The following MARCHF8 variants were observed in gnomAD, a reference collection of about 807,000 sequenced individuals.
MARCHF8 encodes the protein membrane associated ring-CH-type finger 8, also known as E3 ubiquitin-protein ligase MARCHF8.
MARCHF8 carries 40 observed loss-of-function variants against 51.6 expected under a neutral mutation model. That is an observed-to-expected ratio of 0.77 (90% CI 0.60 to 1.01). The LOEUF (loss-of-function observed/expected upper bound fraction) is 1.01, where lower values mean the gene tolerates loss of function less well. Among genes scored for constraint, MARCHF8 ranks in the 50% least tolerant of loss-of-function variants. MARCHF8 has a pLI of 0.00. For missense variants in MARCHF8, 685 were observed against 708.6 expected (o/e 0.97, Z 0.38); for synonymous variants, 263 against 280.3 (o/e 0.94, Z 0.62).
chr10:45,583,413 G>C (rs957233339), intron 1 of MARCHF8, among the ~76,000 whole-genome samples: 1 of 152,116 alleles, frequency 6.6e-6, no homozygotes, highest in African/African-American at 2.4e-5. Context: ...ATATATATGA[G>C]AATGATCACT....
chr10:45,589,114 G>T (rs2044650240), intron 1 of MARCHF8, among the ~76,000 whole-genome samples: 1 of 151,582 alleles, frequency 6.6e-6, no homozygotes, highest in African/African-American at 2.4e-5. Context: ...GCTTATGAGT[G>T]TTTACTGTTG....
chr10:45,526,092 AATAAT>A (rs1258229089), intron 2 of MARCHF8, among the ~76,000 whole-genome samples: 1 of 152,210 alleles, frequency 6.6e-6, no homozygotes, highest in African/African-American at 2.4e-5. Flanking sequence ...TTAAGATGTT[AATAAT>A]ATGAGAAACT....
chr10:45,571,001 G>T (rs948592895), intron 1 of MARCHF8, among the ~76,000 whole-genome samples: 1 of 152,264 alleles, frequency 6.6e-6, no homozygotes, highest in Non-Finnish European at 1.5e-5. Context: ...TGTTGATTCT[G>T]CCCAAATCAC....
chr10:45,478,771 G>A (rs2042832294), intron 3 of MARCHF8, among the ~76,000 whole-genome samples: 2 of 152,018 alleles, frequency 1.3e-5, no homozygotes, highest in Admixed American at 6.6e-5. Context: ...AAAACCTAGA[G>A]GAAATGGATA....
At chr10:45,513,429 A>C (rs1474206223) in intron 2 of MARCHF8, among the ~76,000 whole-genome samples, 3 of 151,970 alleles carry the variant, frequency 2.0e-5, no homozygotes, top group African/African-American at 7.3e-5. Flanking sequence ...CAAAACAAAG[A>C]TCCCTGCTGT....
intron 2 of MARCHF8, among the ~76,000 whole-genome samples, chr10:45,504,781 T>C (rs1040501974): frequency 3.3e-5 from 5 of 152,232 alleles, no homozygotes; most frequent in African/African-American, 9.6e-5. Context: ...TCAAGATTCA[T>C]GTTCGCGTAT....
At chr10:45,533,956 G>A (rs1458975224) in intron 1 of MARCHF8, among the ~76,000 whole-genome samples, 3 of 152,180 alleles carry the variant, frequency 2.0e-5, no homozygotes, top group African/African-American at 7.2e-5. Flanking sequence ...GGCCAAGGCG[G>A]GCAAATCACG....
intron 2 of MARCHF8, among the ~76,000 whole-genome samples, chr10:45,510,788 G>A (rs2043484352): frequency 6.6e-6 from 1 of 152,104 alleles, no homozygotes; most frequent in African/African-American, 2.4e-5. Flanking sequence ...TTTGTTCTAA[G>A]CCATTCATCT....
rs144563593 is a variant in MARCHF8 at position 45,475,308 on chromosome 10, C to T, written c.154-10981G>A. 4.7e-3 allele frequency among the ~76,000 whole-genome samples: 717 copies of T among 152,356 alleles called. 1 individual carries two copies. Among genetic ancestry groups the T allele is most frequent in the Non-Finnish European group, 6.8e-3 (465 of 68,028 alleles). ...AACCCCACTCTCCCCAGTAGTAGGG[C>T]TGCAGTATAGCCACTGCTGCCTCCA... is the stretch of plus-strand genomic sequence containing the variant. On this transcript the variant is annotated intron_variant, in intron 3 of 7. Transcript: ENST00000453424.
At chr10:45,512,987 G>A (rs1420104250) in intron 2 of MARCHF8, among the ~76,000 whole-genome samples, 8 of 151,400 alleles carry the variant, frequency 5.3e-5, no homozygotes, top group South Asian at 2.1e-4. Context: ...GATTAAGGGC[G>A]GTGCAAGATG....
intron 1 of MARCHF8, among the ~76,000 whole-genome samples, chr10:45,548,211 T>C (rs2044150439): frequency 1.3e-5 from 2 of 152,200 alleles, no homozygotes; most frequent in South Asian, 4.1e-4. Flanking sequence ...AGCCTAATGC[T>C]GAAGTCCTGT....
chr10:45,568,747 A>C (rs1193939746), intron 1 of MARCHF8, among the ~76,000 whole-genome samples: 1 of 146,592 alleles, frequency 6.8e-6, no homozygotes, highest in East Asian at 2.0e-4. Flanking sequence ...AACCACTAAC[A>C]CTAATGATAG....
chr10:45,520,058 C>G (rs1051466998), intron 2 of MARCHF8, among the ~76,000 whole-genome samples: 2 of 152,176 alleles, frequency 1.3e-5, no homozygotes, highest in Non-Finnish European at 2.9e-5. Context: ...AGACTCAAAT[C>G]CCACCTCCAT....
At chr10:45,511,968 T>C (rs1276760200) in intron 2 of MARCHF8, among the ~76,000 whole-genome samples, 1 of 142,996 alleles carries the variant, frequency 7.0e-6, no homozygotes, top group African/African-American at 2.7e-5. Flanking sequence ...GTGAGGAGCG[T>C]CTCTGCCCGG....
upstream of MARCHF8, among the ~76,000 whole-genome samples, chr10:45,540,305 A>G (rs899017238): frequency 7.2e-5 from 11 of 152,252 alleles, no homozygotes; most frequent in African/African-American, 1.7e-4. Flanking sequence ...AAAGTATACC[A>G]TAAGGCTTAG....
intron 2 of MARCHF8, among the ~76,000 whole-genome samples, chr10:45,527,812 C>T (rs1339818859): frequency 6.6e-6 from 1 of 152,064 alleles, no homozygotes; most frequent in African/African-American, 2.4e-5. Context: ...GAAACAGAAT[C>T]AATCAGTACC....
At chr10:45,564,078 C>T (rs898297964) in intron 1 of MARCHF8, among the ~76,000 whole-genome samples, 3 of 152,214 alleles carry the variant, frequency 2.0e-5, no homozygotes, top group African/African-American at 7.2e-5. Context: ...GAGTTCGAAA[C>T]CAGCCTGGCC....
chr10:45,568,599 A>T (rs2044391527), intron 1 of MARCHF8, among the ~76,000 whole-genome samples: 1 of 151,856 alleles, frequency 6.6e-6, no homozygotes, highest in East Asian at 1.9e-4. Flanking sequence ...CGTGCCTGTA[A>T]TCCCAGCTAC....
intron 1 of MARCHF8, among the ~76,000 whole-genome samples, chr10:45,543,634 T>TA (rs2044082032): frequency 1.3e-5 from 2 of 150,324 alleles, no homozygotes; most frequent in Non-Finnish European, 3.0e-5. Flanking sequence ...CTGTCTTTAC[T>TA]AAAAATACAA....
Sources: allele counts gnomAD v4.1 joint callset (sites outside exome capture counted in the v4.1 genomes callset), GRCh38; gene constraint gnomAD v4.1.1; transcripts MANE v1.5; gene names NCBI Gene and HGNC (gene_info 2026-07-23, HGNC 2026-07-21).